The following TENM4 variants were observed in gnomAD, a reference collection of about 807,000 sequenced individuals.
The protein encoded by TENM4 is teneurin transmembrane protein 4, also known as teneurin-4.
TENM4 carries 82 observed loss-of-function variants against 243.3 expected under a neutral mutation model. The observed-to-expected ratio is 0.34, with a 90% CI of 0.28 to 0.40. TENM4 has a LOEUF of 0.40. Ranked by LOEUF, TENM4 falls within the 10% of genes least tolerant of loss-of-function variation. TENM4 has a pLI of 1.00. For synonymous variants in TENM4, 1,412 were observed against 1,456.3 expected, an observed-to-expected ratio of 0.97 and a Z score of 0.69; for missense variants, 3,138 against 3,673.3, an observed-to-expected ratio of 0.85 and a Z score of 3.77.
chr11:78,691,549 A>G (rs1046807636), intron 28 of TENM4, among the ~76,000 whole-genome samples: 1 of 152,222 alleles, frequency 6.6e-6, no homozygotes, highest in African/African-American at 2.4e-5. Context: ...CACTTTGGCA[A>G]TCTCCCTAGG....
intron 1 of TENM4, among the ~76,000 whole-genome samples, chr11:79,377,699 G>C (rs2135519530): frequency 6.6e-6 from 1 of 152,304 alleles, no homozygotes; most frequent in African/African-American, 2.4e-5. Context: ...ACCAAGCTAA[G>C]CCTTCACTTG....
At chr11:79,393,608 G>T (rs1858281242) in intron 1 of TENM4, among the ~76,000 whole-genome samples, 1 of 152,198 alleles carries the variant, frequency 6.6e-6, no homozygotes, top group South Asian at 2.1e-4. Context: ...AGATTGAAAT[G>T]CAAAAAAGGC....
intron 6 of TENM4, among the ~76,000 whole-genome samples, chr11:79,054,694 C>A (rs1424901308): frequency 6.6e-6 from 1 of 152,128 alleles, no homozygotes; most frequent in African/African-American, 2.4e-5. Context: ...GATCCTCCCG[C>A]CTTGGCCTCC....
intron 30 of TENM4, among the ~76,000 whole-genome samples, chr11:78,675,751 G>A (rs1056366661): frequency 2.0e-5 from 3 of 152,162 alleles, no homozygotes; most frequent in African/African-American, 4.8e-5. Context: ...ATAACAATAA[G>A]AGTAGCTATT....
intron 4 of TENM4, among the ~76,000 whole-genome samples, chr11:79,109,966 G>A (rs753828218): frequency 1.3e-5 from 2 of 152,156 alleles, no homozygotes; most frequent in South Asian, 2.1e-4. Flanking sequence ...TGTTGCTTTC[G>A]TTACTCCTTC....
chr11:79,052,806 T>G (rs539059923), intron 6 of TENM4, among the ~76,000 whole-genome samples: 1 of 152,212 alleles, frequency 6.6e-6, no homozygotes, highest in Non-Finnish European at 1.5e-5. Context: ...CATTAACTGC[T>G]TGTCTTGCCT....
At position 78,712,668 on chromosome 11, in the gene TENM4, C is replaced by A; in HGVS notation, c.3868G>T (p.Gly1290Trp). Residue 1290 changes from glycine (G) to tryptophan (W), a missense_variant, in exon 26 of 34, where the codon GGG (glycine) becomes TGG (tryptophan). Gly to Trp is a radical substitution (Grantham distance 184). Transcript: ENST00000278550. ...TTGCTGTCAGAAAGGAAGACGGCCC[C>A]ACTCATGGGGTCTGTGGCCAGGTAG... ...KYYLATDPMS[G>W]AVFLSDSNSR... 6.2e-7 allele frequency: 1 copy of A among 1,614,010 alleles called. No homozygotes were observed. The highest frequency in any genetic ancestry group is 2.2e-5 in the East Asian group (1 of 44,878).
At chr11:78,953,352 G>A (rs1208188181) in intron 6 of TENM4, among the ~76,000 whole-genome samples, 1 of 152,158 alleles carries the variant, frequency 6.6e-6, no homozygotes, top group Non-Finnish European at 1.5e-5. Flanking sequence ...GTTAATTGCT[G>A]GGGCTCTTCC....
At chr11:78,983,294 CT>C (rs1857843393) in intron 6 of TENM4, among the ~76,000 whole-genome samples, 1 of 152,194 alleles carries the variant, frequency 6.6e-6, no homozygotes, top group South Asian at 2.1e-4. Flanking sequence ...TGATGCTGCC[CT>C]CAGGAAACTT....
intron 3 of TENM4, among the ~76,000 whole-genome samples, chr11:79,160,308 A>G (rs1279295932): frequency 6.6e-6 from 1 of 152,044 alleles, no homozygotes; most frequent in Non-Finnish European, 1.5e-5. Context: ...TTTGACTTTC[A>G]CCCTCTAATG....
rs1239443486 is a variant in TENM4, at chr11:78,655,031, GC to G, written c.*3026del. 1 of 152,274 alleles carries G rather than the reference GC, an allele frequency of 6.6e-6. No homozygotes were observed. Among genetic ancestry groups the G allele is most frequent in the Non-Finnish European group, 1.5e-5 (1 of 68,140 alleles). The allele number at this position is 152,274 out of a possible 1,614,324, so 9.4% of individuals were successfully genotyped here. A position where few individuals can be genotyped will look rare whatever the true frequency, so the allele number is the denominator to read the frequency against. ...GATTTGGTTGGTGAGTGTCAAAAGGGCCGGTCCTCTCAGGATGGGAGTCGAT... is the reference window on the plus strand; with the variant it reads ...GATTTGGTTGGTGAGTGTCAAAAGGGCGGTCCTCTCAGGATGGGAGTCGAT... On this transcript the variant is annotated 3_prime_UTR_variant, in exon 34 of 34. Coordinates refer to ENST00000278550, the MANE Select transcript of TENM4 (RefSeq NM_001098816.3).
chr11:78,692,486 C>G (rs589861), intron 28 of TENM4, among the ~76,000 whole-genome samples: 6,524 of 152,066 alleles, frequency 0.043, 297 homozygotes, highest in African/African-American at 0.12. Context: ...AAAGAGGTAA[C>G]CTACTTAAAA....
chr11:79,227,867 G>T (rs1220734757), intron 2 of TENM4, among the ~76,000 whole-genome samples: 4 of 152,194 alleles, frequency 2.6e-5, no homozygotes, highest in Non-Finnish European at 4.4e-5. Flanking sequence ...CCTGTCAGTA[G>T]ATTGGTGAAA....
chr11:79,405,507 A>T (rs1858548124), intron 1 of TENM4, among the ~76,000 whole-genome samples: 1 of 151,806 alleles, frequency 6.6e-6, no homozygotes, highest in Non-Finnish European at 1.5e-5. Flanking sequence ...ACATTTTTTG[A>T]AAGACACATA....
At chr11:79,333,313 G>A (rs1035907651) in intron 1 of TENM4, among the ~76,000 whole-genome samples, 2 of 152,108 alleles carry the variant, frequency 1.3e-5, no homozygotes, top group Non-Finnish European at 2.9e-5. Flanking sequence ...CACTGCTCTG[G>A]ACACTGAAAT....
chr11:79,192,091 T>TGGG lies in TENM4; in HGVS notation c.-163+23714_-163+23716dup, dbSNP rs1324316428. ...CCAGCCGTCCCGTCCGGGAGGGAGGTGGGGGGGGGTCAGCCCCCCGCCCGG... is the reference window on the plus strand; with the variant it reads ...CCAGCCGTCCCGTCCGGGAGGGAGGTGGGGGGGGGGGGTCAGCCCCCCGCCCGG... On this transcript the variant is annotated intron_variant, in intron 3 of 33. Transcript: ENST00000278550. Among the ~76,000 whole-genome samples, 42 of 103,504 alleles carry TGGG rather than the reference T, an allele frequency of 4.1e-4. 1 individual carries two copies. Among genetic ancestry groups the TGGG allele is most frequent in the African/African-American group, 1.3e-3 (39 of 29,082 alleles). 67.9% of individuals were successfully genotyped at this position (103,504 alleles called of 152,430 possible). A position where few individuals can be genotyped will look rare whatever the true frequency, so the allele number is the denominator to read the frequency against.
At position 78,785,368 on chromosome 11, in the gene TENM4, G is replaced by A. The variant is rs989266925; in HGVS notation, c.2365+1530C>T. Among the ~76,000 whole-genome samples, 6 of 152,164 alleles carry A rather than the reference G, an allele frequency of 3.9e-5. No individual in the cohort carries two copies. The South Asian group carries it at 1.0e-3, about 26-fold the overall frequency. ...GTGGAGGCTGGGCAGATTAGGTGAGGGACTCTGAGTGCAGCTGCCACGACA... is the reference window on the plus strand; with the variant it reads ...GTGGAGGCTGGGCAGATTAGGTGAGAGACTCTGAGTGCAGCTGCCACGACA... On this transcript the variant is annotated intron_variant, in intron 16 of 33. Transcript: ENST00000278550.
intron 6 of TENM4, among the ~76,000 whole-genome samples, chr11:78,976,505 A>C (rs985552316): frequency 6.6e-6 from 1 of 152,226 alleles, no homozygotes; most frequent in African/African-American, 2.4e-5. Context: ...AAATGCCCTG[A>C]TTCGAAACAG....
intron 1 of TENM4, among the ~76,000 whole-genome samples, chr11:79,348,297 T>C (rs1156379451): frequency 3.3e-5 from 5 of 152,152 alleles, no homozygotes; most frequent in Non-Finnish European, 7.4e-5. Flanking sequence ...TGCCCAACTG[T>C]ATGGAGGTGG....
Sources: gnomAD v4.1 joint callset for allele counts (sites outside exome capture counted in the v4.1 genomes callset) on GRCh38, gnomAD v4.1.1 for gene constraint, MANE v1.5 for transcripts, NCBI Gene and HGNC (gene_info 2026-07-23, HGNC 2026-07-21) for gene names.